Variants in LITAF observed in about 807,000 individuals in gnomAD.
LITAF encodes the protein lipopolysaccharide-induced tumor necrosis factor-alpha factor.
LITAF carries 9 observed loss-of-function variants against 14.5 expected under a neutral mutation model. The ratio of observed to expected loss-of-function variants is 0.62; its 90% CI spans 0.37 to 1.08. The LOEUF is 1.08. LITAF is among the 50% of genes least tolerant of loss of function. LITAF has a pLI of 0.01. For missense variants in LITAF, 206 were observed against 213.4 expected (o/e 0.97, Z 0.22); for synonymous variants, 98 against 88.2 (o/e 1.11, Z -0.62).
intron 1 of LITAF, among the ~76,000 whole-genome samples, chr16:11,594,024 AT>A (rs1270206937): frequency 2.0e-5 from 3 of 152,026 alleles, no homozygotes; most frequent in Non-Finnish European, 4.4e-5. Flanking sequence ...ATTAAAAAAA[AT>A]ATATACAAAA....
rs2064316377 is a variant in LITAF at position 11,558,999 on chromosome 16, G to C, written c.-5-2264C>G. On this transcript the variant is annotated intron_variant, in intron 1 of 3. Coordinates refer to ENST00000622633, the MANE Select transcript of LITAF (RefSeq NM_001136472.2). This position sits in a 1 kb window ranked among gnomAD's most constrained non-coding sequence, Gnocchi z 4.1. ...ACGGGGGCTCATGACTGCAATCCCA[G>C]CACTTTGGGAGGTCGAGGCAGTGGG... Among the ~76,000 whole-genome samples, 1 of 152,156 alleles carries C rather than the reference G, an allele frequency of 6.6e-6. No homozygotes were observed. The highest frequency in any genetic ancestry group is 1.5e-5 in the Non-Finnish European group (1 of 68,028).
chr16:11,625,295 C>T (rs949856331), intron 3 of LITAF, among the ~76,000 whole-genome samples: 3 of 150,340 alleles, frequency 2.0e-5, no homozygotes, highest in Non-Finnish European at 2.9e-5. Flanking sequence ...CAGGGTCTCG[C>T]TCTGTCACCC....
chr16:11,628,207 G>C (rs2065096159), intron 3 of LITAF, among the ~76,000 whole-genome samples: 1 of 152,058 alleles, frequency 6.6e-6, no homozygotes, highest in Non-Finnish European at 1.5e-5. Context: ...CTGCCCAACA[G>C]CCATGACTCA....
chr16:11,616,227 G>A (rs1241820376), intron 3 of LITAF, among the ~76,000 whole-genome samples: 2 of 152,134 alleles, frequency 1.3e-5, no homozygotes, highest in Non-Finnish European at 2.9e-5. Context: ...GAATCCCAAT[G>A]TTTTGGGAGG....
chr16:11,560,523 C>T (rs1332311053), intron 1 of LITAF, among the ~76,000 whole-genome samples: 1 of 150,230 alleles, frequency 6.7e-6, no homozygotes, highest in Non-Finnish European at 1.5e-5. Context: ...GCAGAGGTTG[C>T]AGCGAGCTGA....
At chr16:11,639,857 C>G (rs2065157660), upstream of LITAF, among the ~76,000 whole-genome samples, 1 of 152,094 alleles carries the variant, frequency 6.6e-6, no homozygotes, top group Non-Finnish European at 1.5e-5. Flanking sequence ...TAGCCAGGGC[C>G]TCTGCCTCCT....
intron 1 of LITAF, among the ~76,000 whole-genome samples, chr16:11,584,847 C>T (rs1478574996): frequency 2.6e-5 from 4 of 152,152 alleles, no homozygotes; most frequent in Middle Eastern, 3.4e-3. Flanking sequence ...ATAAAAGGAA[C>T]GGAAGTAACA....
At chr16:11,556,839 A>C (rs1467600679) in intron 1 of LITAF, 104 bp from the exon 2 acceptor site, 1 of 995,700 alleles carries the variant, frequency 1.0e-6, no homozygotes, top group African/African-American at 1.6e-5. Flanking sequence ...AAATTCTGAG[A>C]AAATGACTTC....
intron 3 of LITAF, among the ~76,000 whole-genome samples, chr16:11,620,621 A>G (rs560134953): frequency 1.3e-5 from 2 of 152,352 alleles, no homozygotes; most frequent in South Asian, 4.1e-4. Context: ...GACGTGAGCC[A>G]CTGTGGCCAG....
At chr16:11,597,342 G>T (rs1035162996) in intron 1 of LITAF, among the ~76,000 whole-genome samples, 6 of 152,128 alleles carry the variant, frequency 3.9e-5, no homozygotes, top group African/African-American at 1.4e-4. Context: ...CAACCCACTG[G>T]GGGTGTGGGG....
In LITAF at chr16:11,548,336, C is replaced by T. The variant is rs1243508840; in HGVS notation, c.*1301G>A. ...GCTGCTTGAGTCCTAGAAATCATGT[C>T]TTCTCATGTTTTACAACAAGCTGTG... is the stretch of plus-strand genomic sequence containing the variant. On this transcript the variant is annotated 3_prime_UTR_variant, in exon 4 of 4. Transcript: ENST00000622633. 2.2e-6 allele frequency: 1 copy of T among 454,058 alleles called. No individual in the cohort carries two copies. Among genetic ancestry groups the T allele is most frequent in the South Asian group, 1.6e-5 (1 of 64,466 alleles). The allele number at this position is 454,058 out of a possible 1,614,324, so 28.1% of individuals were successfully genotyped here.
chr16:11,615,805 T>C (rs545160971), intron 3 of LITAF, among the ~76,000 whole-genome samples: 14 of 152,336 alleles, frequency 9.2e-5, no homozygotes, highest in Admixed American at 2.6e-4. Flanking sequence ...CCTTGGACCC[T>C]CCTCAGTGAT....
intron 2 of LITAF, 24 bp downstream of exon 2, chr16:11,556,487 G>A (rs1290629269): frequency 1.9e-6 from 3 of 1,588,650 alleles, no homozygotes; most frequent in African/African-American, 2.7e-5. Flanking sequence ...GAATGGTAAG[G>A]GGGGCCTGGG....
At chr16:11,619,860 A>T (rs910187836) in intron 3 of LITAF, among the ~76,000 whole-genome samples, 1 of 152,084 alleles carries the variant, frequency 6.6e-6, no homozygotes, top group African/African-American at 2.4e-5. Flanking sequence ...GTCCCAGACC[A>T]CATCTCACGT....
At chr16:11,635,822 T>G (rs2065135899) in intron 2 of LITAF, 1 of 152,238 alleles carries the variant, frequency 6.6e-6, no homozygotes, top group Non-Finnish European at 1.5e-5. Flanking sequence ...ACACTCCCAG[T>G]ACCTTTTTGA....
At chr16:11,638,001 T>G (rs2065147367), upstream of LITAF, among the ~76,000 whole-genome samples, 1 of 68,852 alleles carries the variant, frequency 1.5e-5, no homozygotes, top group Non-Finnish European at 2.7e-5. Context: ...TATCTATATA[T>G]ATCTATATAT....
At chr16:11,627,313 C>T (rs1597376312) in intron 3 of LITAF, among the ~76,000 whole-genome samples, 2 of 152,322 alleles carry the variant, frequency 1.3e-5, no homozygotes, top group East Asian at 3.9e-4. Flanking sequence ...CCATCTTTGC[C>T]AGCAGGTAGA....
At chr16:11,592,783 C>G (rs1015378100) in intron 1 of LITAF, among the ~76,000 whole-genome samples, 1 of 152,090 alleles carries the variant, frequency 6.6e-6, no homozygotes, top group Non-Finnish European at 1.5e-5. Context: ...TGCCTGTAAT[C>G]CTAACACTTT....
At position 11,620,543 on chromosome 16, in the gene LITAF, A is replaced by G. The variant is rs115789839; in HGVS notation, c.85+12990T>C. Among the ~76,000 whole-genome samples the G allele has an allele frequency of 2.0e-3, 299 of 152,286 alleles. 1 individual carries two copies. The highest frequency in any genetic ancestry group is 6.9e-3 in the African/African-American group (285 of 41,564). On this transcript the variant is annotated intron_variant, in intron 3 of 3. Coordinates refer to the LITAF transcript ENST00000574848. ...AACCTCATTTCTTTATAAATTACCC[A>G]GTCACAGGTATGTTTTTACAGCAAT...
Sources: allele counts gnomAD v4.1 joint callset (sites outside exome capture counted in the v4.1 genomes callset), GRCh38; gene constraint gnomAD v4.1.1; non-coding constraint Gnocchi (gnomAD v3.1); transcripts MANE v1.5; gene names NCBI Gene and HGNC (gene_info 2026-07-23, HGNC 2026-07-21).